NBAS: variants seen among roughly 807,000 people sequenced by gnomAD.
The protein encoded by NBAS is NBAS subunit of NRZ tethering complex.
Under a neutral mutation model 302.5 loss-of-function variants are expected in NBAS, and 219 were observed. That is an observed-to-expected ratio of 0.72 (90% CI 0.65 to 0.81). NBAS has a LOEUF of 0.81. NBAS is among the 30% of genes least tolerant of loss of function. The pLI is 0.00. For synonymous variants in NBAS, 1,118 were observed against 1,021.6 expected, an observed-to-expected ratio of 1.09 and a Z score of -1.80; for missense variants, 2,932 against 2,841.6, an observed-to-expected ratio of 1.03 and a Z score of -0.72.
At chr2:14,876,333 T>C in the NBAS span, among the ~76,000 whole-genome samples, 1 of 152,226 alleles carries the variant, frequency 6.6e-6, no homozygotes, top group Non-Finnish European at 1.5e-5. Context: ...GTGTATCCAC[T>C]GTGAGCCAGA....
At chr2:15,148,574 C>A in the NBAS span, among the ~76,000 whole-genome samples, 1 of 151,964 alleles carries the variant, frequency 6.6e-6, no homozygotes, top group African/African-American at 2.4e-5. Flanking sequence ...GCCGCCCTAA[C>A]AAAACAAAAA....
chr2:14,885,528 G>A, the NBAS span, among the ~76,000 whole-genome samples: 5 of 152,156 alleles, frequency 3.3e-5, no homozygotes, highest in African/African-American at 1.2e-4. Context: ...TAGGATTTAC[G>A]AGTCCGGAGT....
At chr2:15,391,229 T>C (rs1351000813) in intron 28 of NBAS, among the ~76,000 whole-genome samples, 2 of 152,010 alleles carry the variant, frequency 1.3e-5, no homozygotes, top group Non-Finnish European at 2.9e-5. Flanking sequence ...AATATGCTTT[T>C]AAAAAGAAGA....
the NBAS span, among the ~76,000 whole-genome samples, chr2:15,048,337 A>T: frequency 9.9e-5 from 15 of 152,208 alleles, no homozygotes; most frequent in African/African-American, 3.6e-4. Context: ...GCACACACCC[A>T]GGCCCAGGTG....
the NBAS span, among the ~76,000 whole-genome samples, chr2:15,060,378 A>G: frequency 1.3e-5 from 2 of 152,138 alleles, no homozygotes. Context: ...AGCAGCATGG[A>G]GAGAGCTCTT....
intron 9 of NBAS, among the ~76,000 whole-genome samples, chr2:15,519,577 T>C (rs186530447): frequency 6.6e-6 from 1 of 152,304 alleles, no homozygotes; most frequent in African/African-American, 2.4e-5. Flanking sequence ...TAGTTGGGAA[T>C]ACAGGCACAT....
At chr2:15,302,261 T>G (rs1670836705) in intron 40 of NBAS, among the ~76,000 whole-genome samples, 1 of 152,222 alleles carries the variant, frequency 6.6e-6, no homozygotes, top group Non-Finnish European at 1.5e-5. Context: ...TCACTTCTAC[T>G]TTTAGACCTA....
At chr2:15,160,008 C>T in the NBAS span, among the ~76,000 whole-genome samples, 4 of 152,292 alleles carry the variant, frequency 2.6e-5, no homozygotes, top group African/African-American at 9.6e-5. Flanking sequence ...TGAAGATTAG[C>T]TATATTGCAT....
the NBAS span, among the ~76,000 whole-genome samples, chr2:15,004,487 C>A: frequency 6.6e-6 from 1 of 152,218 alleles, no homozygotes. Context: ...ACCTGCCAAA[C>A]GGTGAGTGAG....
chr2:15,352,825 T>A (rs1426314664), intron 34 of NBAS, among the ~76,000 whole-genome samples: 48 of 152,274 alleles, frequency 3.2e-4, no homozygotes, highest in Non-Finnish European at 6.8e-4. Flanking sequence ...AAGCTGCTGA[T>A]CACCAGTTTC....
At chr2:14,915,128 A>AG in the NBAS span, among the ~76,000 whole-genome samples, 1 of 152,260 alleles carries the variant, frequency 6.6e-6, no homozygotes, top group Non-Finnish European at 1.5e-5. Flanking sequence ...CTGGAGGGGC[A>AG]ATAATGGAGA....
At chr2:15,198,177 T>G (rs1278567021) in intron 48 of NBAS, among the ~76,000 whole-genome samples, 2 of 152,244 alleles carry the variant, frequency 1.3e-5, no homozygotes, top group Admixed American at 1.3e-4. Context: ...AGCTCTACAG[T>G]AAATATTTGG....
At chr2:15,385,455 T>A (rs1490030747) in intron 28 of NBAS, among the ~76,000 whole-genome samples, 1 of 152,040 alleles carries the variant, frequency 6.6e-6, no homozygotes, top group Admixed American at 6.6e-5. Flanking sequence ...TAAGTACAGG[T>A]TCTAATAAAA....
At chr2:15,094,437 C>A in the NBAS span, among the ~76,000 whole-genome samples, 1 of 152,128 alleles carries the variant, frequency 6.6e-6, no homozygotes, top group Non-Finnish European at 1.5e-5. Flanking sequence ...TTTAATTAAG[C>A]CTTGTCAAAG....
chr2:14,862,185 C>CT, the NBAS span, among the ~76,000 whole-genome samples: 259 of 151,428 alleles, frequency 1.7e-3, no homozygotes, highest in African/African-American at 6.0e-3. Flanking sequence ...GTCACCCGGG[C>CT]TGGAGTGCAG....
In NBAS at chr2:15,239,369, A is replaced by G. The variant is rs187489362; in HGVS notation, c.5725-683T>C. 6.4e-5 allele frequency among the ~76,000 whole-genome samples: 9 copies of G among 139,678 alleles called. No homozygotes were observed. The East Asian group carries it at 1.7e-3, about 26-fold the overall frequency. 91.6% of individuals were successfully genotyped at this position (139,678 alleles called of 152,430 possible). On this transcript the variant is annotated intron_variant, in intron 44 of 51. Coordinates refer to ENST00000281513, the MANE Select transcript of NBAS (RefSeq NM_015909.4). ...TGTGCATTTATATATTTTCTATTTT[A>G]TGTGTGTGTGTATGTGTGCGTGTGT...
chr2:15,312,210 AG>A (rs1389787597), intron 38 of NBAS, among the ~76,000 whole-genome samples: 1 of 152,206 alleles, frequency 6.6e-6, no homozygotes, highest in Non-Finnish European at 1.5e-5. Context: ...CAGTTAGGTC[AG>A]TTCTTCACTA....
At chr2:15,367,522 G>A (rs943447237) in intron 31 of NBAS, among the ~76,000 whole-genome samples, 3 of 152,154 alleles carry the variant, frequency 2.0e-5, no homozygotes, top group Non-Finnish European at 4.4e-5. Flanking sequence ...TTAATAGAAG[G>A]CAGGTACTAT....
chr2:15,344,751 C>T (rs1376118900), intron 35 of NBAS, among the ~76,000 whole-genome samples: 5 of 152,064 alleles, frequency 3.3e-5, no homozygotes, highest in South Asian at 4.2e-4. Flanking sequence ...AACATCAACG[C>T]GAAAATCCTC....
Sources: allele counts gnomAD v4.1 joint callset (sites outside exome capture counted in the v4.1 genomes callset), GRCh38; gene constraint gnomAD v4.1.1; transcripts MANE v1.5; gene names NCBI Gene and HGNC (gene_info 2026-07-23, HGNC 2026-07-21).